CTNNA3: variants seen among roughly 807,000 people sequenced by gnomAD.
The protein encoded by CTNNA3 is catenin alpha 3.
Under a neutral mutation model 95.7 loss-of-function variants are expected in CTNNA3, and 76 were observed. The ratio of observed to expected loss-of-function variants is 0.79; its 90% CI spans 0.66 to 0.96. The LOEUF (loss-of-function observed/expected upper bound fraction) is 0.96, where lower values mean the gene tolerates loss of function less well. CTNNA3 is among the 40% of genes least tolerant of loss of function. The pLI, the probability that CTNNA3 is intolerant of heterozygous loss-of-function variation, is 0.00. For missense variants in CTNNA3, 1,191 were observed against 1,089.8 expected, an observed-to-expected ratio of 1.09 and a Z score of -1.31; for synonymous variants, 431 against 374.4, an observed-to-expected ratio of 1.15 and a Z score of -1.74.
At chr10:67,401,842 C>G (rs1844935509) in intron 5 of CTNNA3, among the ~76,000 whole-genome samples, 2 of 152,328 alleles carry the variant, frequency 1.3e-5, no homozygotes, top group African/African-American at 4.8e-5. Context: ...AATCACTTTA[C>G]TAATCCTGCC....
chr10:66,728,716 T>C (rs755738886), intron 9 of CTNNA3, among the ~76,000 whole-genome samples: 1 of 152,172 alleles, frequency 6.6e-6, no homozygotes, highest in Non-Finnish European at 1.5e-5. Flanking sequence ...GGCTCTCGAA[T>C]AGCTGGAATT....
chr10:66,896,318 A>G (rs989466661), intron 7 of CTNNA3, among the ~76,000 whole-genome samples: 3 of 152,040 alleles, frequency 2.0e-5, no homozygotes, highest in African/African-American at 4.8e-5. Flanking sequence ...AGGCTAATGG[A>G]CTCTATAAAA....
At chr10:67,181,288 A>G (rs1328365958) in intron 6 of CTNNA3, among the ~76,000 whole-genome samples, 1 of 152,172 alleles carries the variant, frequency 6.6e-6, no homozygotes, top group Non-Finnish European at 1.5e-5. Context: ...CTGACACGGT[A>G]TTTTTAAGGT....
intron 2 of CTNNA3, among the ~76,000 whole-genome samples, chr10:67,620,923 G>GTGTATATATATATATATATATATA (rs1402402526): frequency 3.7e-4 from 46 of 123,766 alleles, no homozygotes; most frequent in African/African-American, 1.3e-3. Context: ...GTGTGTGTGT[G>GTGTATATATATATATATATATATA]TATATATATA....
At chr10:67,344,751 G>C (rs1310508617) in intron 5 of CTNNA3, among the ~76,000 whole-genome samples, 1 of 151,662 alleles carries the variant, frequency 6.6e-6, no homozygotes, top group Non-Finnish European at 1.5e-5. Flanking sequence ...TTCTTACTCT[G>C]CCTAAAGGTT....
chr10:66,953,774 T>C (rs979595141), intron 7 of CTNNA3, among the ~76,000 whole-genome samples: 2 of 151,436 alleles, frequency 1.3e-5, no homozygotes, highest in East Asian at 3.8e-4. Context: ...TATTAGATGA[T>C]ATAAGTTTTA....
At chr10:66,023,857 T>C (rs971351479) in intron 15 of CTNNA3, among the ~76,000 whole-genome samples, 1 of 152,116 alleles carries the variant, frequency 6.6e-6, no homozygotes, top group Non-Finnish European at 1.5e-5. Context: ...CCAAGTCTCC[T>C]TTTAGAAAAA....
chr10:66,699,783 C>T (rs996423585), intron 9 of CTNNA3, among the ~76,000 whole-genome samples: 2 of 151,932 alleles, frequency 1.3e-5, no homozygotes, highest in Non-Finnish European at 2.9e-5. Context: ...CTCAGCCCCC[C>T]GAGTAGCTGG....
At chr10:66,037,270 G>A (rs2079584193) in intron 15 of CTNNA3, among the ~76,000 whole-genome samples, 1 of 152,110 alleles carries the variant, frequency 6.6e-6, no homozygotes, top group African/African-American at 2.4e-5. Context: ...GCCCTTCAGG[G>A]TCAGAATAGT....
Position 67,711,665 on chromosome 10 carries a change from G to A in CTNNA3, c.-2+51769C>T, listed in dbSNP as rs546639931. Among the ~76,000 whole-genome samples the A allele has an allele frequency of 9.0e-4, 137 of 151,600 alleles. 1 individual carries two copies. Among genetic ancestry groups the A allele is most frequent in the Non-Finnish European group, 1.6e-3 (111 of 67,884 alleles). On this transcript the variant is annotated intron_variant, in intron 1 of 17. Transcript: ENST00000684154. ...AGTTACATATGTATACATGTGCCATGCTGGTGCGCTGCACCCACTAACTCG... is the reference window on the plus strand; with the variant it reads ...AGTTACATATGTATACATGTGCCATACTGGTGCGCTGCACCCACTAACTCG...
At chr10:66,670,855 G>GAGAA (rs1846635211) in intron 9 of CTNNA3, among the ~76,000 whole-genome samples, 1 of 152,158 alleles carries the variant, frequency 6.6e-6, no homozygotes, top group Non-Finnish European at 1.5e-5. Context: ...TTGGCAGTTT[G>GAGAA]ATTTATATTT....
intron 7 of CTNNA3, among the ~76,000 whole-genome samples, chr10:66,786,540 A>G (rs1840752267): frequency 6.6e-6 from 1 of 152,218 alleles, no homozygotes; most frequent in Non-Finnish European, 1.5e-5. Context: ...TATTGATTAG[A>G]AGAGAGGGAC....
chr10:67,433,743 G>A (rs1319788559), intron 5 of CTNNA3, among the ~76,000 whole-genome samples: 1 of 152,032 alleles, frequency 6.6e-6, no homozygotes, highest in Non-Finnish European at 1.5e-5. Flanking sequence ...ATGAACAAGT[G>A]AATAAACAAG....
At chr10:66,603,395 C>A (rs1844003378) in intron 10 of CTNNA3, among the ~76,000 whole-genome samples, 1 of 151,954 alleles carries the variant, frequency 6.6e-6, no homozygotes, top group South Asian at 2.1e-4. Flanking sequence ...AGTAAAAGGT[C>A]TTTGCAAAGA....
At chr10:66,828,977 C>G (rs976425897) in intron 7 of CTNNA3, among the ~76,000 whole-genome samples, 1 of 152,252 alleles carries the variant, frequency 6.6e-6, no homozygotes, top group Non-Finnish European at 1.5e-5. Context: ...ACACAACCCA[C>G]ATGACAGCCA....
At chr10:66,174,446 G>C (rs2085601570) in intron 13 of CTNNA3, among the ~76,000 whole-genome samples, 1 of 151,962 alleles carries the variant, frequency 6.6e-6, no homozygotes. Context: ...GCAAAACACT[G>C]ACGCTGCATC....
At chr10:67,342,790 T>C (rs1411781324) in intron 5 of CTNNA3, among the ~76,000 whole-genome samples, 2 of 152,228 alleles carry the variant, frequency 1.3e-5, no homozygotes, top group Admixed American at 6.5e-5. Flanking sequence ...TTCTGTTCCA[T>C]TGGCCTGTGT....
At chr10:67,073,731 A>G (rs2131855535) in intron 7 of CTNNA3, among the ~76,000 whole-genome samples, 1 of 152,344 alleles carries the variant, frequency 6.6e-6, no homozygotes, top group East Asian at 1.9e-4. Context: ...AAAGACAGAT[A>G]AACAAAATAG....
At chr10:67,495,054 C>A (rs7358238) in intron 5 of CTNNA3, among the ~76,000 whole-genome samples, 10,962 of 152,214 alleles carry the variant, frequency 0.072, 476 homozygotes, top group South Asian at 0.14. Context: ...TTTAACTGGG[C>A]ATTCTGTATT....
Sources: gnomAD v4.1 joint callset for allele counts (sites outside exome capture counted in the v4.1 genomes callset) on GRCh38, gnomAD v4.1.1 for gene constraint, MANE v1.5 for transcripts, NCBI Gene and HGNC (gene_info 2026-07-23, HGNC 2026-07-21) for gene names.